SNX29: variants seen among roughly 807,000 people sequenced by gnomAD.
SNX29 encodes sorting nexin 29, also known as sorting nexin-29.
SNX29 carries 78 observed loss-of-function variants against 102.1 expected under a neutral mutation model. That is an observed-to-expected ratio of 0.76 (90% CI 0.64 to 0.92). The LOEUF (loss-of-function observed/expected upper bound fraction) is 0.92, where lower values mean the gene tolerates loss of function less well. Ranked by LOEUF, SNX29 falls within the 40% of genes least tolerant of loss-of-function variation. The pLI is 0.00. For missense variants in SNX29, 1,280 were observed against 1,061.7 expected (o/e 1.21, Z -2.86); for synonymous variants, 580 against 414.5 (o/e 1.40, Z -4.85).
At chr16:12,191,300 G>T (rs1192267584) in intron 13 of SNX29, among the ~76,000 whole-genome samples, 2 of 152,158 alleles carry the variant, frequency 1.3e-5, no homozygotes, top group Admixed American at 1.3e-4. Flanking sequence ...TGACAGCCAC[G>T]GTGATGGATG....
chr16:12,168,715 C>T (rs1412714882), intron 13 of SNX29, among the ~76,000 whole-genome samples: 1 of 152,236 alleles, frequency 6.6e-6, no homozygotes, highest in Non-Finnish European at 1.5e-5. Context: ...TTCACCTTTG[C>T]TGCTAGAATC....
chr16:12,161,458 A>T (rs997599882), intron 13 of SNX29, among the ~76,000 whole-genome samples: 5 of 152,152 alleles, frequency 3.3e-5, no homozygotes, highest in Admixed American at 1.3e-4. Context: ...AGCTTCTTTA[A>T]GTGGCATGGC....
intron 19 of SNX29, among the ~76,000 whole-genome samples, chr16:12,479,637 A>G (rs1026435898): frequency 6.6e-6 from 1 of 152,170 alleles, no homozygotes; most frequent in Non-Finnish European, 1.5e-5. Flanking sequence ...AAGAGGGGAA[A>G]ATTATATATT....
intron 1 of SNX29, among the ~76,000 whole-genome samples, chr16:11,998,543 G>A (rs912574364): frequency 1.3e-5 from 2 of 152,178 alleles, no homozygotes; most frequent in Non-Finnish European, 2.9e-5. Flanking sequence ...CAGGGCTGGT[G>A]TCTTTGTGAT....
intron 18 of SNX29, among the ~76,000 whole-genome samples, chr16:12,456,475 G>T (rs913960980): frequency 6.6e-6 from 1 of 151,964 alleles, no homozygotes; most frequent in Non-Finnish European, 1.5e-5. Flanking sequence ...TTGGGGTGGG[G>T]TAAGGGTGTA....
intron 18 of SNX29, among the ~76,000 whole-genome samples, chr16:12,443,905 G>A (rs775308551): frequency 2.6e-5 from 4 of 152,348 alleles, no homozygotes; most frequent in South Asian, 4.1e-4. Flanking sequence ...GTGAGCATTC[G>A]AAACTTGCAT....
At chr16:12,221,032 T>C (rs759614769) in intron 14 of SNX29, among the ~76,000 whole-genome samples, 3 of 152,216 alleles carry the variant, frequency 2.0e-5, no homozygotes, top group Admixed American at 6.5e-5. Flanking sequence ...CTCTCTTCAT[T>C]GGCAGGGGAG....
At chr16:12,087,767 A>C (rs1378621701) in intron 11 of SNX29, 1 of 440,138 alleles carries the variant, frequency 2.3e-6, no homozygotes, top group Non-Finnish European at 4.6e-6. Flanking sequence ...TACAGTGCTC[A>C]GAGTCACACA....
chr16:12,537,798 A>C (rs1050007381), intron 20 of SNX29, among the ~76,000 whole-genome samples: 1 of 152,074 alleles, frequency 6.6e-6, no homozygotes, highest in Non-Finnish European at 1.5e-5. Flanking sequence ...AATATCTCCT[A>C]TATCAGAGAG....
chr16:12,056,827 CTTTG>C (rs1406755130), intron 8 of SNX29, among the ~76,000 whole-genome samples: 9 of 151,630 alleles, frequency 5.9e-5, no homozygotes, highest in Non-Finnish European at 7.4e-5. Flanking sequence ...TGTTTTGTTT[CTTTG>C]TTTGTTTTTT....
chr16:12,560,066 TAA>T (rs2078631169), intron 20 of SNX29, among the ~76,000 whole-genome samples: 2 of 152,032 alleles, frequency 1.3e-5, no homozygotes, highest in Non-Finnish European at 2.9e-5. Context: ...GAAAACTATG[TAA>T]CTACTGTCCT....
chr16:12,235,404 C>A (rs931822184), intron 14 of SNX29, among the ~76,000 whole-genome samples: 2 of 152,112 alleles, frequency 1.3e-5, no homozygotes, highest in Non-Finnish European at 2.9e-5. Flanking sequence ...GGTTAGGAAG[C>A]GGCAGTGATC....
chr16:12,480,724 A>G (rs1250469454), intron 19 of SNX29, among the ~76,000 whole-genome samples: 1 of 152,154 alleles, frequency 6.6e-6, no homozygotes, highest in South Asian at 2.1e-4. Flanking sequence ...AATAAATCTC[A>G]TCAGTCCTGA....
At chr16:12,354,150 C>G (rs751647167) in intron 15 of SNX29, among the ~76,000 whole-genome samples, 6 of 152,120 alleles carry the variant, frequency 3.9e-5, no homozygotes, top group Non-Finnish European at 7.4e-5. Context: ...AATAGTTATT[C>G]GAGGAACAGT....
intron 11 of SNX29, among the ~76,000 whole-genome samples, chr16:12,118,297 T>G (rs969797817): frequency 2.8e-5 from 4 of 142,886 alleles, no homozygotes; most frequent in Non-Finnish European, 4.5e-5. Flanking sequence ...CTGTAGATAG[T>G]AGATATACAG....
At chr16:12,430,516 G>A (rs907001689) in intron 18 of SNX29, among the ~76,000 whole-genome samples, 2 of 152,144 alleles carry the variant, frequency 1.3e-5, no homozygotes, top group African/African-American at 4.8e-5. Flanking sequence ...CTATAGCCTT[G>A]GGCAAGTTAA....
chr16:12,228,476 C>G (rs1395909202), intron 14 of SNX29, among the ~76,000 whole-genome samples: 1 of 151,574 alleles, frequency 6.6e-6, no homozygotes, highest in Admixed American at 6.5e-5. Context: ...TGCCTCTGCT[C>G]TGGTCACTCT....
chr16:12,249,301 A>G (rs904858625), intron 14 of SNX29, among the ~76,000 whole-genome samples: 8 of 152,126 alleles, frequency 5.3e-5, no homozygotes, highest in African/African-American at 1.9e-4. Context: ...TTTCCTTCAC[A>G]TTGCATCCCC....
At chr16:12,522,259 T>C (rs1597723052) in intron 19 of SNX29, among the ~76,000 whole-genome samples, 2 of 152,360 alleles carry the variant, frequency 1.3e-5, no homozygotes, top group Admixed American at 1.3e-4. Flanking sequence ...AAATTGTTCA[T>C]TGTTTATTTG....
Sources: allele counts gnomAD v4.1 joint callset (sites outside exome capture counted in the v4.1 genomes callset), GRCh38; gene constraint gnomAD v4.1.1; transcripts MANE v1.5; gene names NCBI Gene and HGNC (gene_info 2026-07-23, HGNC 2026-07-21).